Variants in ZNF254 observed in about 807,000 individuals in gnomAD.
ZNF254 encodes the protein CTD-2017D11.1.
ZNF254 carries 10 observed loss-of-function variants against 12.4 expected under a neutral mutation model. That is an observed-to-expected ratio of 0.80 (90% CI 0.50 to 1.36). The LOEUF is 1.36. ZNF254 is among the 40% of genes most tolerant of loss of function. The probability of loss-of-function intolerance (pLI) is 0.00; values close to 1 mark genes in which losing one functional copy is unlikely to be tolerated. For missense variants in ZNF254, 996 were observed against 763.9 expected (o/e 1.30, Z -3.58); for synonymous variants, 305 against 253.4 (o/e 1.20, Z -1.93).
In ZNF254 at chr19:24,126,419, A is replaced by C; in HGVS notation, c.419A>C (p.Asn140Thr). The change falls in exon 4 of 4, where the codon AAT becomes ACT. Residue 140 changes from asparagine to threonine, a missense_variant. Transcript: ENST00000357002. ...TATAAGGTGAACAAAGAAGGTTATAATGGACTTAACCAGTGTTTCACAACT... is the reference window on the plus strand; with the variant it reads ...TATAAGGTGAACAAAGAAGGTTATACTGGACTTAACCAGTGTTTCACAACT... ...DEYKVNKEGY[N>T]GLNQCFTTAQ... 1 of 1,603,756 alleles carries C rather than the reference A, an allele frequency of 6.2e-7. No individual in the cohort carries two copies. Among genetic ancestry groups the C allele is most frequent in the Non-Finnish European group, 8.5e-7 (1 of 1,177,156 alleles).
At chr19:24,100,251 A>C (rs1010871794) in intron 1 of ZNF254, among the ~76,000 whole-genome samples, 10 of 149,312 alleles carry the variant, frequency 6.7e-5, no homozygotes, top group Non-Finnish European at 2.9e-5. Context: ...TTGAGTAGAC[A>C]TGGAGACATG....
At chr19:24,048,003 C>CTTTTTTTTTTTTTTCTTTTTTTTTTTT (rs1970468122) in intron 2 of ZNF254, among the ~76,000 whole-genome samples, 1 of 68,810 alleles carries the variant, frequency 1.5e-5, no homozygotes, top group Admixed American at 2.3e-4. Flanking sequence ...TTCTTTTCTT[C>CTTTTTTTTTTTTTTCTTTTTTTTTTTT]TTTTTTTTTT....
At chr19:24,072,671 G>C (rs1486029762) in intron 2 of ZNF254, among the ~76,000 whole-genome samples, 2 of 152,172 alleles carry the variant, frequency 1.3e-5, no homozygotes, top group African/African-American at 4.8e-5. Flanking sequence ...ATACCTCTGG[G>C]TTCAGCAACC....
intron 1 of ZNF254, among the ~76,000 whole-genome samples, chr19:24,092,656 C>T (rs916786786): frequency 6.6e-6 from 1 of 152,210 alleles, no homozygotes; most frequent in Non-Finnish European, 1.5e-5. Flanking sequence ...GCTGGGATTA[C>T]AGGCATGAGC....
intron 3 of ZNF254, among the ~76,000 whole-genome samples, chr19:24,113,931 C>G (rs1212197741): frequency 1.3e-5 from 2 of 152,014 alleles, no homozygotes; most frequent in Non-Finnish European, 2.9e-5. Context: ...TTCATAATTG[C>G]TTCGAAGAGA....
In ZNF254 at chr19:24,063,624, G is replaced by A. The variant is rs1339474182; in HGVS notation, c.-94+17345G>A. On this transcript the variant is annotated intron_variant, in intron 2 of 4. Coordinates refer to the ZNF254 transcript ENST00000613065. ...AATATATGTCTTCACCAATCACCCT[G>A]GAAATGTGACTTACTTTTCCTGCCT... Among the ~76,000 whole-genome samples the A allele has an allele frequency of 2.0e-5, 3 of 152,286 alleles. No individual in the cohort carries two copies. The East Asian group carries it at 5.8e-4, about 29-fold the overall frequency.
intron 1 of ZNF254, among the ~76,000 whole-genome samples, chr19:24,094,594 C>T: frequency 6.6e-6 from 1 of 152,116 alleles, no homozygotes; most frequent in East Asian, 1.9e-4. Flanking sequence ...CCTAATTACT[C>T]TGACAAGTAC....
At chr19:24,115,728 T>A (rs779641381) in intron 3 of ZNF254, among the ~76,000 whole-genome samples, 144 of 152,238 alleles carry the variant, frequency 9.5e-4, no homozygotes, top group African/African-American at 3.4e-3. Flanking sequence ...GTGAATTTGA[T>A]CCTGTCGTTA....
intron 3 of ZNF254, among the ~76,000 whole-genome samples, chr19:24,112,972 G>T (rs1233488571): frequency 6.6e-6 from 1 of 152,132 alleles, no homozygotes; most frequent in East Asian, 1.9e-4. Flanking sequence ...TCTCCCAAGA[G>T]TAAACCAGGA....
chr19:24,054,549 A>C (rs993506057), intron 2 of ZNF254, among the ~76,000 whole-genome samples: 2 of 152,214 alleles, frequency 1.3e-5, no homozygotes, highest in Non-Finnish European at 2.9e-5. Flanking sequence ...GGCACACAGC[A>C]CAAAGGTGAG....
chr19:24,052,744 G>A (rs1230148983), intron 2 of ZNF254, among the ~76,000 whole-genome samples: 1 of 152,160 alleles, frequency 6.6e-6, no homozygotes, highest in African/African-American at 2.4e-5. Flanking sequence ...TGCCCCAAAA[G>A]GCAGGTGATG....
At chr19:24,040,872 T>C (rs1434049383) in intron 1 of ZNF254, among the ~76,000 whole-genome samples, 1 of 152,222 alleles carries the variant, frequency 6.6e-6, no homozygotes, top group Non-Finnish European at 1.5e-5. Flanking sequence ...TGTGTTGCAA[T>C]AAAGGTATTA....
chr19:24,049,212 A>ATTTTTTT (rs1179977299), intron 2 of ZNF254, among the ~76,000 whole-genome samples: 23 of 42,212 alleles, frequency 5.4e-4, no homozygotes, highest in Middle Eastern at 0.019. Context: ...ATATATATAT[A>ATTTTTTT]TATTTTTTTT....
At chr19:24,043,355 G>A (rs1005733626) in intron 1 of ZNF254, among the ~76,000 whole-genome samples, 11 of 152,066 alleles carry the variant, frequency 7.2e-5, no homozygotes, top group Admixed American at 3.9e-4. Context: ...TTAACCTCCT[G>A]GGTTCAAGCA....
At chr19:24,088,838 G>A (rs1449187725) in intron 1 of ZNF254, among the ~76,000 whole-genome samples, 1 of 151,668 alleles carries the variant, frequency 6.6e-6, no homozygotes, top group Non-Finnish European at 1.5e-5. Flanking sequence ...TGTATTTTTA[G>A]TAGAGACCGG....
At chr19:24,104,734 GA>G (rs1433355386) in intron 1 of ZNF254, 3 of 152,150 alleles carry the variant, frequency 2.0e-5, no homozygotes, top group African/African-American at 7.2e-5. Flanking sequence ...TGAACATGGA[GA>G]GGGGTGGATA....
chr19:24,051,852 G>A (rs543521675), intron 2 of ZNF254, among the ~76,000 whole-genome samples: 1 of 152,042 alleles, frequency 6.6e-6, no homozygotes, highest in East Asian at 1.9e-4. Context: ...TGGGCTCTGC[G>A]AACTGGGGTG....
At chr19:24,060,675 C>A (rs1971032958) in intron 2 of ZNF254, among the ~76,000 whole-genome samples, 2 of 152,208 alleles carry the variant, frequency 1.3e-5, no homozygotes, top group Admixed American at 6.5e-5. Context: ...TATTCTTCTG[C>A]ATTATCCCAG....
chr19:24,129,659 G>C lies in ZNF254; in HGVS notation c.*1679G>C, dbSNP rs918449871. 6.6e-6 allele frequency: 1 copy of C among 151,668 alleles called. No homozygotes were observed. 9.4% of individuals were successfully genotyped at this position (151,668 alleles called of 1,614,324 possible). ...ACTCTATATAATAATCACATTAGAG[G>C]AAATGAGATATCCATTACCTCTAGC... On this transcript the variant is annotated 3_prime_UTR_variant, in exon 4 of 4. Transcript: ENST00000357002.
Sources: allele counts gnomAD v4.1 joint callset (sites outside exome capture counted in the v4.1 genomes callset), GRCh38; gene constraint gnomAD v4.1.1; transcripts MANE v1.5; gene names NCBI Gene and HGNC (gene_info 2026-07-23, HGNC 2026-07-21).